NTRK2: variants seen among roughly 807,000 people sequenced by gnomAD.
NTRK2 encodes neurotrophic receptor tyrosine kinase 2.
Under a neutral mutation model 94.5 loss-of-function variants are expected in NTRK2, and 13 were observed. The observed-to-expected ratio is 0.14, with a 90% CI of 0.09 to 0.22. The LOEUF is 0.22. NTRK2 is among the 10% of genes least tolerant of loss of function. The pLI is 1.00. For synonymous variants in NTRK2, 372 were observed against 407.4 expected (o/e 0.91, Z 1.05); for missense variants, 639 against 1,071.2 (o/e 0.60, Z 5.63).
intron 2 of NTRK2, among the ~76,000 whole-genome samples, chr9:84,679,196 T>C (rs1453523660): frequency 2.0e-5 from 3 of 152,212 alleles, no homozygotes; most frequent in Non-Finnish European, 4.4e-5. Context: ...TCTAAGATAT[T>C]TTATTTTAGC....
chr9:85,020,149 C>CTTCCACA, intron 17 of NTRK2, 57 bp from the exon 18 acceptor site: 1 of 1,600,588 alleles, frequency 6.2e-7, no homozygotes, highest in Non-Finnish European at 8.6e-7. Flanking sequence ...CAGCAGCTCC[C>CTTCCACA]TTCCACACCT....
intron 2 of NTRK2, among the ~76,000 whole-genome samples, chr9:84,675,309 T>G: frequency 6.8e-6 from 1 of 147,744 alleles, no homozygotes; most frequent in East Asian, 2.0e-4. Flanking sequence ...CTCTTCTCCT[T>G]TCTTTCTTTC....
chr9:84,909,333 A>G (rs1181132693), intron 14 of NTRK2, among the ~76,000 whole-genome samples: 2 of 152,160 alleles, frequency 1.3e-5, no homozygotes, highest in African/African-American at 4.8e-5. Flanking sequence ...ATTGAAGGAC[A>G]TCTGGGTTGT....
At chr9:84,680,293 C>T (rs2059315019) in intron 2 of NTRK2, among the ~76,000 whole-genome samples, 1 of 152,162 alleles carries the variant, frequency 6.6e-6, no homozygotes, top group Non-Finnish European at 1.5e-5. Context: ...TAAACACTCC[C>T]AATAGTGGGA....
intron 12 of NTRK2, among the ~76,000 whole-genome samples, chr9:84,791,137 A>G (rs2068684800): frequency 6.6e-6 from 1 of 152,180 alleles, no homozygotes; most frequent in African/African-American, 2.4e-5. Context: ...TAACTTATGC[A>G]AAAAGTTTTA....
intron 12 of NTRK2, among the ~76,000 whole-genome samples, chr9:84,855,581 A>ATTTTTTTTTTTTT (rs377152273): frequency 7.5e-6 from 1 of 133,706 alleles, no homozygotes. Context: ...CCTCAAGCAT[A>ATTTTTTTTTTTTT]TTTTTTTTTT....
intron 12 of NTRK2, among the ~76,000 whole-genome samples, chr9:84,836,948 A>AATATAATATG (rs1262129270): frequency 5.0e-5 from 7 of 140,210 alleles, no homozygotes; most frequent in Non-Finnish European, 1.1e-4. Context: ...AATATAATAT[A>AATATAATATG]ATATAATATA....
intron 11 of NTRK2, among the ~76,000 whole-genome samples, chr9:84,747,655 T>C (rs2064211091): frequency 6.6e-6 from 1 of 152,020 alleles, no homozygotes; most frequent in Admixed American, 6.6e-5. Context: ...TTTTTTTGTA[T>C]TTTATTTAGT....
Position 84,861,051 on chromosome 9 carries a change from T to C in NTRK2, c.1408T>C (p.Phe470Leu). 1 of 1,613,588 alleles carries C rather than the reference T, an allele frequency of 6.2e-7. No individual in the cohort carries two copies. The highest frequency in any genetic ancestry group is 8.5e-7 in the Non-Finnish European group (1 of 1,179,672). Reference protein sequence around the residue: ...SKFGMKDFSWFGFGKVKSRQG... With the variant: ...SKFGMKDFSWLGFGKVKSRQG... The stretch of plus-strand genomic sequence containing the variant: ...GTTGTGGTTTTCAGATTTCTCATGG[T>C]TTGGATTTGGGAAAGTAAAATCAAG... Residue 470 changes from phenylalanine to leucine, a missense_variant, in exon 13 of 19, where the codon TTT becomes CTT. Around this residue, in one of 5 missense-constraint regions of NTRK2, gnomAD observed 343 missense variants for 571.5 expected, o/e 0.60. Coordinates refer to ENST00000277120, the MANE Select transcript of NTRK2 (RefSeq NM_006180.6).
intron 17 of NTRK2, among the ~76,000 whole-genome samples, chr9:84,972,822 G>A (rs914172876): frequency 3.3e-5 from 5 of 152,124 alleles, no homozygotes; most frequent in African/African-American, 7.2e-5. Context: ...ATTAAAATAA[G>A]CAATCATATT....
intron 12 of NTRK2, among the ~76,000 whole-genome samples, chr9:84,799,035 C>T (rs1223830195): frequency 6.6e-6 from 1 of 151,746 alleles, no homozygotes; most frequent in East Asian, 1.9e-4. Context: ...CAAGGTCACA[C>T]AGTCATTTGG....
chr9:84,739,678 G>T (rs905881759), intron 9 of NTRK2, among the ~76,000 whole-genome samples: 7 of 152,142 alleles, frequency 4.6e-5, no homozygotes, highest in African/African-American at 1.7e-4. Context: ...GTGGGGGTCT[G>T]TGGGGGCCTG....
At chr9:84,752,300 C>T (rs1043479694) in intron 12 of NTRK2, among the ~76,000 whole-genome samples, 18 of 152,082 alleles carry the variant, frequency 1.2e-4, no homozygotes, top group African/African-American at 2.9e-4. Flanking sequence ...ACAGTTGTCC[C>T]GGGAGACAGA....
In NTRK2 at chr9:85,022,641, G is replaced by A. The variant is rs201807663; in HGVS notation, c.*1204G>A. 53 of 233,202 alleles carry A rather than the reference G, an allele frequency of 2.3e-4. No individual in the cohort carries two copies. Among genetic ancestry groups the A allele is most frequent in the African/African-American group, 6.8e-4 (31 of 45,440 alleles). The allele number at this position is 233,202 out of a possible 1,614,324, so 14.4% of individuals were successfully genotyped here. ...GCAAGCAAAATTGTGCATGGTCTTC[G>A]TCGATTAATACCTTGTGTGCAGACA... On this transcript the variant is annotated 3_prime_UTR_variant, in exon 19 of 19. Transcript: ENST00000277120.
intron 6 of NTRK2, among the ~76,000 whole-genome samples, chr9:84,720,470 T>C (rs1296884234): frequency 6.6e-6 from 1 of 152,174 alleles, no homozygotes; most frequent in African/African-American, 2.4e-5. Context: ...GACCACCCCC[T>C]TCCTCAAAAT....
At chr9:84,969,254 T>C (rs1291266896) in intron 17 of NTRK2, among the ~76,000 whole-genome samples, 1 of 152,272 alleles carries the variant, frequency 6.6e-6, no homozygotes, top group Non-Finnish European at 1.5e-5. Context: ...GCTTCCTTTG[T>C]GTCTTTGGAG....
At chr9:84,728,608 C>A (rs2062625228) in intron 9 of NTRK2, among the ~76,000 whole-genome samples, 1 of 152,072 alleles carries the variant, frequency 6.6e-6, no homozygotes, top group Non-Finnish European at 1.5e-5. Flanking sequence ...AAGGAGAATT[C>A]TGGTTTCTCA....
At chr9:84,948,061 T>C (rs2078659785) in intron 15 of NTRK2, among the ~76,000 whole-genome samples, 1 of 152,238 alleles carries the variant, frequency 6.6e-6, no homozygotes, top group Non-Finnish European at 1.5e-5. Flanking sequence ...AAAGGTTCAC[T>C]GTACTCTTCT....
At chr9:84,773,046 T>C (rs1055434256) in intron 12 of NTRK2, among the ~76,000 whole-genome samples, 1 of 152,222 alleles carries the variant, frequency 6.6e-6, no homozygotes, top group East Asian at 1.9e-4. Context: ...TGATCATGTT[T>C]ATATAGATTT....
Sources: gnomAD v4.1 joint callset for allele counts (sites outside exome capture counted in the v4.1 genomes callset) on GRCh38, gnomAD v4.1.1 for gene constraint, gnomAD v4.1.1 regional missense constraint, MANE v1.5 for transcripts, NCBI Gene and HGNC (gene_info 2026-07-23, HGNC 2026-07-21) for gene names.